ADH1B: variants seen among roughly 807,000 people sequenced by gnomAD.
ADH1B encodes the protein alcohol dehydrogenase 1B (class I), beta polypeptide.
A neutral mutation model predicts 34.6 loss-of-function variants in ADH1B; 29 were observed. The ratio of observed to expected loss-of-function variants is 0.84; its 90% CI spans 0.62 to 1.14. The LOEUF (loss-of-function observed/expected upper bound fraction) is 1.14. Among genes scored for constraint, ADH1B ranks in the 50% most tolerant of loss-of-function variants. ADH1B has a pLI of 0.00. For missense variants in ADH1B, 424 were observed against 468.4 expected, an observed-to-expected ratio of 0.91 and a Z score of 0.87; for synonymous variants, 170 against 175.5, an observed-to-expected ratio of 0.97 and a Z score of 0.25.
chr4:99,307,992 C>T, intron 8 of ADH1B, 128 bp from the exon 9 acceptor site: 2 of 1,219,272 alleles, frequency 1.6e-6, no homozygotes, highest in Non-Finnish European at 2.3e-6. Flanking sequence ...CTATTTCCAT[C>T]CCCATACATT....
At chr4:99,316,466 G>C in intron 3 of ADH1B, 164 bp from the exon 4 acceptor site, 1 of 800,644 alleles carries the variant, frequency 1.2e-6, no homozygotes, top group South Asian at 1.9e-5. Context: ...CCACAGCATT[G>C]TTTTCAGTTT....
intron 6 of ADH1B, among the ~76,000 whole-genome samples, chr4:99,313,118 C>T (rs2110633016): frequency 6.6e-6 from 1 of 151,984 alleles, no homozygotes; most frequent in East Asian, 1.9e-4. Context: ...CCTCCGCCTC[C>T]TGGGTTCAAG....
chr4:99,317,624 G>T (rs2110637518), intron 3 of ADH1B: 1 of 162,178 alleles, frequency 6.2e-6, no homozygotes, highest in South Asian at 1.9e-4. Flanking sequence ...CCTCCATTTT[G>T]TGAACTCAGC....
At chr4:99,314,160 A>G (rs773553129) in intron 5 of ADH1B, 79 bp from the exon 6 acceptor site, 33 of 1,562,348 alleles carry the variant, frequency 2.1e-5, no homozygotes, top group Non-Finnish European at 2.8e-5. Context: ...TGCCATGCGT[A>G]GGTGTTTATC....
In ADH1B at chr4:99,305,916, C is replaced by A. The variant is rs1733600882; in HGVS notation, c.*1924G>T. 1 of 152,162 alleles carries A rather than the reference C, an allele frequency of 6.6e-6. No individual in the cohort carries two copies. The highest frequency in any genetic ancestry group is 1.5e-5 in the Non-Finnish European group (1 of 68,052). The allele number at this position is 152,162 out of a possible 1,614,324, so 9.4% of individuals were successfully genotyped here. ...ACAATCAGCATCAGTGTAAAAGCCGCAGAGCACCCAGCAACAGGTAGTGTC... is the reference window on the plus strand; with the variant it reads ...ACAATCAGCATCAGTGTAAAAGCCGAAGAGCACCCAGCAACAGGTAGTGTC... On this transcript the variant is annotated 3_prime_UTR_variant, in exon 9 of 9. Transcript: ENST00000305046.
chr4:99,315,830 A>C, intron 5 of ADH1B, 68 bp downstream of exon 5: 1 of 1,583,112 alleles, frequency 6.3e-7, no homozygotes, highest in African/African-American at 1.3e-5. Context: ...TTCTTGCAAG[A>C]AATTGCTTCC....
At chr4:99,313,441 A>C in intron 6 of ADH1B, 1 of 204,740 alleles carries the variant, frequency 4.9e-6, no homozygotes, top group South Asian at 1.3e-4. Context: ...CATAGGCAAA[A>C]TTGTTAAACC....
rs764637094 is a variant in ADH1B at position 99,316,212 on chromosome 4, T to C, written c.347+3A>G. The C allele has an allele frequency of 1.2e-6, 2 of 1,614,160 alleles. No individual in the cohort carries two copies. Among genetic ancestry groups the C allele is most frequent in the South Asian group, 2.2e-5 (2 of 91,084 alleles). ...CTGTGCAAAGAGAGCATCAGAAACC[T>C]ACTCATTTTTCAAGCAGTAGTTGCT... On this transcript the variant is annotated splice_donor_region_variant and intron_variant, in intron 4 of 8. Transcript: ENST00000305046.
At position 99,310,886 on chromosome 4, in the gene ADH1B, C is replaced by G. The variant is rs775525528; in HGVS notation, c.982G>C (p.Gly328Arg). The change falls in exon 8 of 9, where the codon GGT becomes CGT. Residue 328 changes from glycine to arginine, a missense_variant. Transcript: ENST00000305046. ...AVYGGFKSKE[G>R]IPKLVADFMA... ...AAATCAGCCACAAGTTTTGGGATACCTTCTTTACTCTTAAAGCCTGAAAAG... is the reference window on the plus strand; with the variant it reads ...AAATCAGCCACAAGTTTTGGGATACGTTCTTTACTCTTAAAGCCTGAAAAG... 7 of 1,613,106 alleles carry G rather than the reference C, an allele frequency of 4.3e-6. No individual in the cohort carries two copies. Among genetic ancestry groups the G allele is most frequent in the Middle Eastern group, 1.6e-4 (1 of 6,076 alleles).
chr4:99,310,894 C>T lies in ADH1B; in HGVS notation c.974G>A (p.Ser325Asn). The change falls in exon 8 of 9, where the codon AGT becomes AAT. Residue 325 changes from serine (S) to asparagine (N), a missense_variant. Ser to Asn is a conservative substitution (Grantham distance 46, BLOSUM62 1). Coordinates refer to ENST00000305046, the MANE Select transcript of ADH1B (RefSeq NM_000668.6). The stretch of plus-strand genomic sequence containing the variant: ...CACAAGTTTTGGGATACCTTCTTTA[C>T]TCTTAAAGCCTGAAAAGAAGACAGT... Reference protein sequence around the residue: ...WKGAVYGGFKSKEGIPKLVAD... With the variant: ...WKGAVYGGFKNKEGIPKLVAD... The T allele has an allele frequency of 1.2e-6, 2 of 1,612,660 alleles. No individual in the cohort carries two copies. The highest frequency in any genetic ancestry group is 8.5e-7 in the Non-Finnish European group (1 of 1,179,486).
At position 99,307,549 on chromosome 4, in the gene ADH1B, G is replaced by A; in HGVS notation, c.*291C>T. 2.3e-6 allele frequency: 1 copy of A among 440,018 alleles called. No individual in the cohort carries two copies. The allele number at this position is 440,018 out of a possible 1,614,324, so 27.3% of individuals were successfully genotyped here. ...ATACCAAAAATGCAAGAAGTCACAGGAATATTTTTCCTCAATGGCAAAGGT... is the reference window on the plus strand; with the variant it reads ...ATACCAAAAATGCAAGAAGTCACAGAAATATTTTTCCTCAATGGCAAAGGT... On this transcript the variant is annotated 3_prime_UTR_variant, in exon 9 of 9. Coordinates refer to ENST00000305046, the MANE Select transcript of ADH1B (RefSeq NM_000668.6).
At chr4:99,318,757 A>G (rs1733949416) in intron 2 of ADH1B, 28 bp downstream of exon 2, 1 of 1,583,314 alleles carries the variant, frequency 6.3e-7, no homozygotes, top group Admixed American at 1.8e-5. Flanking sequence ...TAAATGTAAA[A>G]TGAAATATAA....
intron 5 of ADH1B, chr4:99,315,041 A>T (rs773355160): frequency 7.2e-5 from 11 of 152,188 alleles, no homozygotes; most frequent in Non-Finnish European, 1.6e-4. Flanking sequence ...TTTCTACCTT[A>T]CTTAGAAAAA....
rs1246742923 is a variant in ADH1B at position 99,306,996 on chromosome 4, C to T, written c.*844G>A. Reference sequence around the variant, plus strand: ...AAAGCCACCATATTACTTTTAATTACTTTATACACATTTTCAGTCATCATC... The same window carrying T: ...AAAGCCACCATATTACTTTTAATTATTTTATACACATTTTCAGTCATCATC... On this transcript the variant is annotated 3_prime_UTR_variant, in exon 9 of 9. Coordinates refer to ENST00000305046, the MANE Select transcript of ADH1B (RefSeq NM_000668.6). 6.6e-6 allele frequency: 1 copy of T among 152,146 alleles called. No homozygotes were observed. The highest frequency in any genetic ancestry group is 2.4e-5 in the African/African-American group (1 of 41,438). The allele number at this position is 152,146 out of a possible 1,614,324, so 9.4% of individuals were successfully genotyped here.
At chr4:99,316,824 A>G (rs1579513962) in intron 3 of ADH1B, 2 of 150,904 alleles carry the variant, frequency 1.3e-5, no homozygotes, top group East Asian at 4.1e-4. Flanking sequence ...TATGAAATGA[A>G]TGCTTTAAAA....
Position 99,306,901 on chromosome 4 carries a change from T to C in ADH1B, c.*939A>G, listed in dbSNP as rs1157024554. ...CTAGGAAAATATATTGCTTAAGGTG[T>C]TTGTGCCATTTCTTAGTTACCAATT... is the stretch of plus-strand genomic sequence containing the variant. On this transcript the variant is annotated 3_prime_UTR_variant, in exon 9 of 9. Transcript: ENST00000305046. The C allele has an allele frequency of 6.6e-6, 1 of 152,228 alleles. No homozygotes were observed. The highest frequency in any genetic ancestry group is 2.4e-5 in the African/African-American group (1 of 41,456). 9.4% of individuals were successfully genotyped at this position (152,228 alleles called of 1,614,324 possible).
In ADH1B at chr4:99,310,484, T is replaced by G. The variant is rs535445010; in HGVS notation, c.1103+281A>C. ...TTTTGTTTTTTTGTGGGGTTTTTTT[T>G]GGGCAAATGTGAGTGTTCTCTTTTC... On this transcript the variant is annotated intron_variant, in intron 8 of 8. Coordinates refer to ENST00000305046, the MANE Select transcript of ADH1B (RefSeq NM_000668.6). 88 of 380,520 alleles carry G rather than the reference T, an allele frequency of 2.3e-4. 1 individual carries two copies. The East Asian group carries it at 3.5e-3, about 15-fold the overall frequency. 23.6% of individuals were successfully genotyped at this position (380,520 alleles called of 1,614,324 possible).
chr4:99,305,552 C>T lies in ADH1B; in HGVS notation c.*2288G>A, dbSNP rs1470065939. On this transcript the variant is annotated 3_prime_UTR_variant, in exon 9 of 9. Transcript: ENST00000305046. ...ATCACTTAACTATATGAACCACTTG[C>T]CCCATAGTGTATATATATATATATA... is the stretch of plus-strand genomic sequence containing the variant. 1.3e-4 allele frequency: 12 copies of T among 93,330 alleles called. No homozygotes were observed. Among genetic ancestry groups the T allele is most frequent in the South Asian group, 3.3e-4 (1 of 3,034 alleles). The allele number at this position is 93,330 out of a possible 1,614,324, so 5.8% of individuals were successfully genotyped here.
intron 5 of ADH1B, 66 bp downstream of exon 5, chr4:99,315,832 A>G: frequency 6.3e-7 from 1 of 1,585,190 alleles, no homozygotes; most frequent in Non-Finnish European, 8.6e-7. Context: ...CTTGCAAGAA[A>G]TTGCTTCCCT....
Sources: gnomAD v4.1 joint callset for allele counts (sites outside exome capture counted in the v4.1 genomes callset) on GRCh38, gnomAD v4.1.1 for gene constraint, MANE v1.5 for transcripts, NCBI Gene and HGNC (gene_info 2026-07-23, HGNC 2026-07-21) for gene names.